The following RNF13 variants were observed in gnomAD, a reference collection of about 807,000 sequenced individuals.
RNF13 encodes the protein ring finger protein 13, also known as E3 ubiquitin-protein ligase RNF13.
RNF13 carries 19 observed loss-of-function variants against 37.7 expected under a neutral mutation model. The ratio of observed to expected loss-of-function variants is 0.50; its 90% confidence interval spans 0.35 to 0.74. The LOEUF is 0.74. Ranked by LOEUF, RNF13 falls within the 30% of genes least tolerant of loss-of-function variation. The probability of loss-of-function intolerance (pLI) is 0.01; values close to 1 mark genes in which losing one functional copy is unlikely to be tolerated. For missense variants in RNF13, 375 were observed against 453.0 expected (o/e 0.83, Z 1.56); for synonymous variants, 144 against 157.8 (o/e 0.91, Z 0.65).
At chr3:149,849,160 G>A (rs73155073) in intron 2 of RNF13, among the ~76,000 whole-genome samples, 11,757 of 152,148 alleles carry the variant, frequency 0.077, 494 homozygotes, top group Middle Eastern at 0.099. Context: ...TTTTAGAATT[G>A]CACTTAAGAG....
chr3:149,929,646 CAGTG>C lies in RNF13; in HGVS notation c.700+8423_700+8426del, dbSNP rs528706209. Among the ~76,000 whole-genome samples, 226 of 152,214 alleles carry C rather than the reference CAGTG, an allele frequency of 1.5e-3. 1 individual carries two copies. Among genetic ancestry groups the C allele is most frequent in the African/African-American group, 5.1e-3 (212 of 41,528 alleles). On this transcript the variant is annotated intron_variant, in intron 8 of 9. Transcript: ENST00000392894. The stretch of plus-strand genomic sequence containing the variant: ...AAGGCAAAAATTTGCAGTACTTCAC[CAGTG>C]AGTATTTTAGTTGTGAGTTGTTGTT...
At chr3:149,839,645 T>G (rs989466584) in intron 1 of RNF13, among the ~76,000 whole-genome samples, 7 of 152,148 alleles carry the variant, frequency 4.6e-5, no homozygotes, top group African/African-American at 1.7e-4. Context: ...CCTGCCCCCA[T>G]GATTCAATTA....
chr3:149,813,542 G>C (rs1004051545), intron 1 of RNF13, among the ~76,000 whole-genome samples, 189 bp downstream of exon 1: 3 of 152,220 alleles, frequency 2.0e-5, no homozygotes, highest in Non-Finnish European at 4.4e-5. Context: ...GCCCTCGGGG[G>C]ACCGAGTCTC....
chr3:149,929,947 A>G (rs1719004926), intron 8 of RNF13, among the ~76,000 whole-genome samples: 1 of 152,172 alleles, frequency 6.6e-6, no homozygotes, highest in African/African-American at 2.4e-5. Flanking sequence ...TTGTCTTGAA[A>G]TGGAGTCTTG....
At chr3:149,881,728 C>G (rs56201301) in intron 4 of RNF13, among the ~76,000 whole-genome samples, 4,033 of 152,206 alleles carry the variant, frequency 0.026, 69 homozygotes, top group South Asian at 0.036. Flanking sequence ...TTGTATAACA[C>G]AAGATTTTAC....
intron 1 of RNF13, among the ~76,000 whole-genome samples, chr3:149,841,466 G>T (rs1722171696): frequency 6.6e-6 from 1 of 152,152 alleles, no homozygotes; most frequent in South Asian, 2.1e-4. Flanking sequence ...CTCTTTTGAA[G>T]ATAGAAGAGA....
intron 8 of RNF13, among the ~76,000 whole-genome samples, chr3:149,950,424 A>C (rs1287484050): frequency 6.6e-6 from 1 of 152,216 alleles, no homozygotes; most frequent in Non-Finnish European, 1.5e-5. Flanking sequence ...GTTAGTAGTG[A>C]GGTACAGGGA....
chr3:149,900,249 T>TTA (rs1715680720), intron 5 of RNF13, among the ~76,000 whole-genome samples: 1 of 152,184 alleles, frequency 6.6e-6, no homozygotes, highest in Non-Finnish European at 1.5e-5. Flanking sequence ...AAGTTATTCC[T>TTA]TGAGTTTGTC....
At chr3:149,930,702 T>C (rs1719078057) in intron 8 of RNF13, among the ~76,000 whole-genome samples, 1 of 152,158 alleles carries the variant, frequency 6.6e-6, no homozygotes, top group African/African-American at 2.4e-5. Flanking sequence ...GTGCCTGCTG[T>C]TTTGGAAGGT....
chr3:149,851,779 C>G (rs1169985808), intron 2 of RNF13: 3 of 152,158 alleles, frequency 2.0e-5, no homozygotes, highest in African/African-American at 7.2e-5. Context: ...CCTTGTTTCT[C>G]TTGCTCTCTG....
At chr3:149,892,267 G>A (rs1057337676) in intron 4 of RNF13, among the ~76,000 whole-genome samples, 1 of 152,174 alleles carries the variant, frequency 6.6e-6, no homozygotes, top group African/African-American at 2.4e-5. Context: ...GTGCATTTTG[G>A]ATGTGTGAAA....
intron 5 of RNF13, among the ~76,000 whole-genome samples, chr3:149,899,972 A>G (rs896141450): frequency 6.6e-6 from 1 of 152,204 alleles, no homozygotes; most frequent in African/African-American, 2.4e-5. Context: ...ATTGTAATCT[A>G]TCTTTGTCGA....
At chr3:149,814,430 A>G (rs1719213229) in intron 1 of RNF13, 1 of 152,372 alleles carries the variant, frequency 6.6e-6, no homozygotes, top group Admixed American at 6.5e-5. Flanking sequence ...GATAGCAATT[A>G]AAAAGAACTT....
At chr3:149,929,771 AT>A (rs2108554612) in intron 8 of RNF13, among the ~76,000 whole-genome samples, 1 of 152,214 alleles carries the variant, frequency 6.6e-6, no homozygotes, top group South Asian at 2.1e-4. Flanking sequence ...TTCCAGCATT[AT>A]TTGTTGAAAA....
intron 1 of RNF13, among the ~76,000 whole-genome samples, chr3:149,822,251 TAA>T (rs1303679292): frequency 1.3e-5 from 2 of 152,176 alleles, no homozygotes; most frequent in African/African-American, 4.8e-5. Flanking sequence ...GCCATCTTAA[TAA>T]TGTTAAGTCT....
intron 8 of RNF13, among the ~76,000 whole-genome samples, chr3:149,959,551 T>C (rs1472116306): frequency 1.3e-5 from 2 of 152,238 alleles, no homozygotes; most frequent in Non-Finnish European, 2.9e-5. Flanking sequence ...TTTTTACTGA[T>C]AAAGAACTGG....
intron 8 of RNF13, among the ~76,000 whole-genome samples, chr3:149,929,219 A>G (rs1344394589): frequency 6.6e-6 from 1 of 152,212 alleles, no homozygotes; most frequent in African/African-American, 2.4e-5. Flanking sequence ...GGAAACTTCT[A>G]ATCATGGTGG....
At chr3:149,891,562 T>G (rs1250685201) in intron 4 of RNF13, among the ~76,000 whole-genome samples, 3 of 152,244 alleles carry the variant, frequency 2.0e-5, no homozygotes, top group Non-Finnish European at 2.9e-5. Flanking sequence ...ACCTGGTCTA[T>G]GTAATTTAGT....
chr3:149,860,271 ATAT>A lies in RNF13; in HGVS notation c.195+7676_195+7678del, dbSNP rs1316261907. On this transcript the variant is annotated intron_variant, in intron 3 of 9. Transcript: ENST00000392894. ...AGACTCCATCTAAAAAAAAAAAAAA[ATAT>A]ATATATATATATATATATATATATA... Among the ~76,000 whole-genome samples, 626 of 81,976 alleles carry A rather than the reference ATAT, an allele frequency of 7.6e-3. 1 individual carries two copies. The highest frequency in any genetic ancestry group is 0.013 in the East Asian group (41 of 3,106). 53.8% of individuals were successfully genotyped at this position (81,976 alleles called of 152,430 possible). A position where few individuals can be genotyped will look rare whatever the true frequency, so the allele number is the denominator to read the frequency against.
Sources: gnomAD v4.1 joint callset for allele counts (sites outside exome capture counted in the v4.1 genomes callset) on GRCh38, gnomAD v4.1.1 for gene constraint, MANE v1.5 for transcripts, NCBI Gene and HGNC (gene_info 2026-07-23, HGNC 2026-07-21) for gene names.